INTS6L: variants seen among roughly 807,000 people sequenced by gnomAD.
INTS6L encodes integrator complex subunit 6-like.
A neutral mutation model predicts 64.7 loss-of-function variants in INTS6L; 18 were observed. The observed-to-expected ratio is 0.28, with a 90% CI of 0.19 to 0.41. INTS6L has a LOEUF of 0.41. Among genes scored for constraint, INTS6L ranks in the 10% least tolerant of loss-of-function variants. INTS6L has a pLI of 1.00. For missense variants in INTS6L, 533 were observed against 661.0 expected (o/e 0.81, Z 2.12); for synonymous variants, 227 against 235.9 (o/e 0.96, Z 0.34).
chrX:135,546,658 T>C (rs782259004), intron 4 of INTS6L, 44 bp from the exon 5 acceptor site: 7 of 1,143,646 alleles, frequency 6.1e-6, no homozygotes, highest in Admixed American at 5.2e-5. Context: ...TTCATTTTTA[T>C]ATGGTTTGTT....
At chrX:135,563,582 T>C (rs202091505) in intron 9 of INTS6L, among the ~76,000 whole-genome samples, 17 of 16,101 alleles carry the variant, frequency 1.1e-3, no homozygotes, top group African/African-American at 1.5e-3. Flanking sequence ...AATATATATA[T>C]ACATATATAT....
chrX:135,556,078 C>T, intron 8 of INTS6L, 90 bp from the exon 9 acceptor site: 3 of 927,142 alleles, frequency 3.2e-6, no homozygotes, highest in South Asian at 3.5e-5. Context: ...CAAATTGCGC[C>T]ATAGATGCTG....
At chrX:135,577,144 A>T in intron 14 of INTS6L, 49 bp from the exon 15 acceptor site, 1 of 1,129,652 alleles carries the variant, frequency 8.9e-7, no homozygotes, top group Non-Finnish European at 1.2e-6. Context: ...GTTATATAAT[A>T]GTGGAATTTT....
intron 15 of INTS6L, among the ~76,000 whole-genome samples, chrX:135,577,913 CTGAAACAT>C (rs1175371278): frequency 2.7e-5 from 3 of 112,050 alleles, no homozygotes; most frequent in Non-Finnish European, 5.6e-5. Context: ...CTCGACCCCA[CTGAAACAT>C]TCTCATCAAG....
intron 9 of INTS6L, among the ~76,000 whole-genome samples, chrX:135,557,387 C>G (rs2086669371): frequency 9.0e-6 from 1 of 111,360 alleles, no homozygotes; most frequent in Non-Finnish European, 1.9e-5. Flanking sequence ...TTTAAGTGCA[C>G]TTTTTTTGAT....
chrX:135,579,070 A>G (rs1002047017), intron 15 of INTS6L, among the ~76,000 whole-genome samples: 4 of 110,904 alleles, frequency 3.6e-5, no homozygotes, highest in Non-Finnish European at 5.7e-5. Flanking sequence ...CACCAGCCCA[A>G]TGCTGCTTGT....
intron 9 of INTS6L, among the ~76,000 whole-genome samples, chrX:135,565,681 G>C (rs1381398323): frequency 9.0e-6 from 1 of 111,684 alleles, no homozygotes; most frequent in Non-Finnish European, 1.9e-5. Flanking sequence ...GATGTTTCAA[G>C]AGTGTCTTCA....
rs868954446 is a variant in INTS6L, at chrX:135,580,147, C to T, written c.2479C>T (p.Arg827Ter). 5.9e-6 allele frequency: 7 copies of T among 1,177,407 alleles called. No homozygotes were observed. The highest frequency in any genetic ancestry group is 8.0e-6 in the Non-Finnish European group (7 of 877,641). Residue 827 changes from arginine to a stop codon, truncating the protein, a stop_gained, in exon 16 of 18, where the codon CGA becomes TGA. Transcript: ENST00000639893. LOFTEE classifies it high-confidence loss of function. ...AAAACATCAATTAATGAAGGAAGTT[C>T]GAAAGTTTGGTCGAAGTAAGTAGTG... ...DIKHQLMKEV[R>*]KFGRKYERIF...
At chrX:135,529,683 C>G (rs1034375058) in intron 2 of INTS6L, among the ~76,000 whole-genome samples, 4 of 111,595 alleles carry the variant, frequency 3.6e-5, no homozygotes, top group African/African-American at 1.3e-4. Flanking sequence ...ATCTTATAGT[C>G]GAAGGTGTTA....
At chrX:135,543,088 A>G (rs1190225714) in intron 2 of INTS6L, among the ~76,000 whole-genome samples, 8 of 111,427 alleles carry the variant, frequency 7.2e-5, no homozygotes, top group African/African-American at 2.6e-4. Context: ...AAGCTCTTTC[A>G]GCAGTCTCCA....
intron 16 of INTS6L, among the ~76,000 whole-genome samples, 196 bp downstream of exon 16, chrX:135,580,358 A>T (rs7882815): frequency 2.4e-3 from 264 of 112,275 alleles, no homozygotes; most frequent in African/African-American, 8.3e-3. Flanking sequence ...ATTTCTTGTA[A>T]TGTTTCCTTT....
chrX:135,521,222 G>A lies in INTS6L; in HGVS notation c.112-19G>A. The A allele has an allele frequency of 1.7e-6, 2 of 1,204,011 alleles. No homozygotes were observed. The highest frequency in any genetic ancestry group is 2.2e-6 in the Non-Finnish European group (2 of 891,541). ...CCTCCTTTCCTACGCGACCCCCTCC[G>A]TCATCCCTTGCCCCGCAGCTGCGCG... On this transcript the variant is annotated intron_variant, in intron 1 of 17. Coordinates refer to ENST00000639893, the MANE Select transcript of INTS6L (RefSeq NM_001351601.3).
chrX:135,574,082 CTTT>C lies in INTS6L; in HGVS notation c.1741+33_1741+35del, dbSNP rs781864864. 207 of 1,037,263 alleles carry C rather than the reference CTTT, an allele frequency of 2.0e-4. No homozygotes were observed. Among genetic ancestry groups the C allele is most frequent in the Admixed American group, 9.4e-4 (29 of 30,866 alleles). 85.5% of individuals were successfully genotyped at this position (1,037,263 alleles called of 1,213,427 possible). ...ATGAAGGTAAAATAACTGTGAAATA[CTTT>C]TTTTTTTTTTTTGGAAAATGCCAGG... On this transcript the variant is annotated intron_variant, in intron 13 of 17. Transcript: ENST00000639893.
intron 2 of INTS6L, among the ~76,000 whole-genome samples, chrX:135,526,181 T>A (rs1305146664): frequency 1.8e-5 from 2 of 111,748 alleles, no homozygotes; most frequent in Non-Finnish European, 3.8e-5. Flanking sequence ...GCCACTCAGT[T>A]GTTCTCCCTA....
intron 11 of INTS6L, 177 bp downstream of exon 11, chrX:135,570,723 G>A: frequency 1.9e-6 from 1 of 516,069 alleles, no homozygotes; most frequent in Non-Finnish European, 2.9e-6. Flanking sequence ...GCAGTTAAGG[G>A]TCTGTCAGTA....
At chrX:135,579,235 C>G (rs1194370717) in intron 15 of INTS6L, among the ~76,000 whole-genome samples, 4 of 111,902 alleles carry the variant, frequency 3.6e-5, no homozygotes, top group Non-Finnish European at 7.5e-5. Flanking sequence ...GGTGTCAGAT[C>G]TGGAGTGAAA....
chrX:135,528,973 A>G lies in INTS6L; in HGVS notation c.189+7655A>G, dbSNP rs782398692. 3.8e-5 allele frequency among the ~76,000 whole-genome samples: 4 copies of G among 106,607 alleles called. No individual in the cohort carries two copies. The East Asian group carries it at 1.2e-3, about 32-fold the overall frequency. 92.6% of individuals were successfully genotyped at this position (106,607 alleles called of 115,157 possible). A position where few individuals can be genotyped will look rare whatever the true frequency, so the allele number is the denominator to read the frequency against. On this transcript the variant is annotated intron_variant, in intron 2 of 17. Transcript: ENST00000639893. ...ACCCTTGCCTGTGGGGCAAAATATG[A>G]AAGCATCCCATTCTTATTTGTATTG...
intron 2 of INTS6L, among the ~76,000 whole-genome samples, chrX:135,527,132 G>A (rs1240580282): frequency 2.6e-4 from 29 of 111,221 alleles, no homozygotes; most frequent in Admixed American, 2.4e-3. Flanking sequence ...GATATATAAC[G>A]TTTCCATCAA....
intron 1 of INTS6L, 44 bp from the exon 2 acceptor site, chrX:135,521,197 C>T (rs200178696): frequency 1.7e-6 from 2 of 1,191,264 alleles, no homozygotes; most frequent in Non-Finnish European, 1.1e-6. Flanking sequence ...CGCCCTCCCC[C>T]CTCCTTTCCT....
Sources: allele counts gnomAD v4.1 joint callset (sites outside exome capture counted in the v4.1 genomes callset), GRCh38; gene constraint gnomAD v4.1.1; transcripts MANE v1.5; gene names NCBI Gene and HGNC (gene_info 2026-07-23, HGNC 2026-07-21).